The following EIF5B variants were observed in gnomAD, a reference collection of about 807,000 sequenced individuals.
EIF5B encodes eukaryotic translation initiation factor 5B.
EIF5B carries 47 observed loss-of-function variants against 147.5 expected under a neutral mutation model. The ratio of observed to expected loss-of-function variants is 0.32; its 90% CI spans 0.25 to 0.41. EIF5B has a LOEUF of 0.41. EIF5B is among the 10% of genes least tolerant of loss of function. The pLI is 1.00. For synonymous variants in EIF5B, 455 were observed against 456.2 expected, an observed-to-expected ratio of 1.00 and a Z score of 0.03; for missense variants, 1,064 against 1,413.2, an observed-to-expected ratio of 0.75 and a Z score of 3.96.
intron 6 of EIF5B, among the ~76,000 whole-genome samples, chr2:99,365,558 G>A (rs1286788054): frequency 1.3e-5 from 2 of 152,260 alleles, no homozygotes; most frequent in African/African-American, 4.8e-5. Context: ...GAGGCTAAAA[G>A]CACCCATGAA....
intron 4 of EIF5B, among the ~76,000 whole-genome samples, chr2:99,362,418 T>A (rs930296358): frequency 1.3e-5 from 2 of 152,116 alleles, no homozygotes; most frequent in African/African-American, 4.8e-5. Flanking sequence ...AAACAGTAGT[T>A]TTTGGGCTGG....
Position 99,361,454 on chromosome 2 carries a change from G to C in EIF5B, c.553G>C (p.Glu185Gln). 1 of 1,614,014 alleles carries C rather than the reference G, an allele frequency of 6.2e-7. No individual in the cohort carries two copies. The highest frequency in any genetic ancestry group is 1.1e-5 in the South Asian group (1 of 91,066). Residue 185 changes from glutamate (E) to glutamine (Q), a missense_variant, in exon 4 of 24, where the codon GAA becomes CAA. This residue lies in a region of EIF5B where 458 missense variants were observed against 451.3 expected (regional missense o/e 1.01). Coordinates refer to ENST00000289371, the MANE Select transcript of EIF5B (RefSeq NM_015904.4). ...KERSRINSSG[E>Q]SGDESDEFLQ... ...GCGTTCAAGAATAAATTCTTCTGGT[G>C]AAAGTGGTGATGAATCAGATGAATT...
chr2:99,365,786 A>T (rs909280060), intron 6 of EIF5B, among the ~76,000 whole-genome samples: 1 of 151,922 alleles, frequency 6.6e-6, no homozygotes, highest in Non-Finnish European at 1.5e-5. Flanking sequence ...CCATCTTATT[A>T]GTTCCCTATT....
intron 9 of EIF5B, among the ~76,000 whole-genome samples, chr2:99,374,904 C>T (rs1674531404): frequency 6.6e-6 from 1 of 151,902 alleles, no homozygotes. Flanking sequence ...GTATTTTCCA[C>T]CTAGTGAGTC....
intron 17 of EIF5B, among the ~76,000 whole-genome samples, chr2:99,391,646 G>A (rs1390665662): frequency 6.6e-6 from 1 of 151,274 alleles, no homozygotes; most frequent in African/African-American, 2.4e-5. Context: ...TTGTTTTTGT[G>A]TCTAAGAGTA....
At chr2:99,355,372 C>T (rs1674072828) in intron 1 of EIF5B, among the ~76,000 whole-genome samples, 1 of 152,058 alleles carries the variant, frequency 6.6e-6, no homozygotes, top group Non-Finnish European at 1.5e-5. Context: ...ACCTGTATAT[C>T]ATTTTAGGGC....
intron 9 of EIF5B, among the ~76,000 whole-genome samples, chr2:99,374,635 C>G (rs1405722010): frequency 6.6e-6 from 1 of 152,126 alleles, no homozygotes; most frequent in East Asian, 1.9e-4. Context: ...AGTTATTATT[C>G]CCTTGCCCTG....
intron 8 of EIF5B, among the ~76,000 whole-genome samples, chr2:99,370,409 A>G (rs1048773149): frequency 4.6e-5 from 7 of 152,216 alleles, no homozygotes; most frequent in African/African-American, 1.7e-4. Flanking sequence ...ACTAAGCCTG[A>G]TTTACATTGG....
chr2:99,344,637 A>G (rs1204280504), intron 1 of EIF5B, among the ~76,000 whole-genome samples: 1 of 152,088 alleles, frequency 6.6e-6, no homozygotes, highest in Admixed American at 6.5e-5. Flanking sequence ...GGGTCTCACC[A>G]TGTTGGCCAG....
chr2:99,390,131 C>A, intron 15 of EIF5B, 88 bp from the exon 16 acceptor site: 1 of 1,425,550 alleles, frequency 7.0e-7, no homozygotes, highest in Non-Finnish European at 9.7e-7. Context: ...AATGATGAGC[C>A]ATTTGCTCAT....
At chr2:99,386,906 AT>A (rs1184812833) in intron 14 of EIF5B, among the ~76,000 whole-genome samples, 1 of 151,474 alleles carries the variant, frequency 6.6e-6, no homozygotes, top group African/African-American at 2.4e-5. Flanking sequence ...AATCCAACTA[AT>A]TTTTATATTT....
At chr2:99,377,242 TATTA>T (rs1186655651) in intron 10 of EIF5B, among the ~76,000 whole-genome samples, 2 of 152,108 alleles carry the variant, frequency 1.3e-5, no homozygotes. Context: ...TTTTGTGTAT[TATTA>T]ATTTTTTAAT....
chr2:99,373,669 A>G (rs964876240), intron 9 of EIF5B, among the ~76,000 whole-genome samples: 1 of 152,172 alleles, frequency 6.6e-6, no homozygotes, highest in Admixed American at 6.5e-5. Context: ...TATTTTACCT[A>G]GAGTACTTAG....
At chr2:99,349,615 G>GCA (rs1673867873) in intron 1 of EIF5B, among the ~76,000 whole-genome samples, 1 of 152,044 alleles carries the variant, frequency 6.6e-6, no homozygotes. Context: ...GTACATGCCT[G>GCA]CACACACAAT....
intron 14 of EIF5B, 115 bp downstream of exon 14, chr2:99,383,036 T>G (rs1251206878): frequency 5.2e-6 from 6 of 1,147,356 alleles, no homozygotes; most frequent in Non-Finnish European, 7.0e-6. Context: ...TGCTTCACTA[T>G]ATTGTGCTTC....
At chr2:99,339,185 G>A (rs1042164059) in intron 1 of EIF5B, among the ~76,000 whole-genome samples, 7 of 151,376 alleles carry the variant, frequency 4.6e-5, no homozygotes, top group African/African-American at 1.7e-4. Flanking sequence ...GGCTAGTTGT[G>A]TATTTTTAGT....
intron 9 of EIF5B, among the ~76,000 whole-genome samples, chr2:99,372,359 A>G (rs1356224668): frequency 1.3e-5 from 2 of 151,880 alleles, no homozygotes; most frequent in African/African-American, 4.8e-5. Context: ...TTTTTTTGAG[A>G]TGGAGTTTCA....
At chr2:99,370,323 A>G (rs1674422323) in intron 8 of EIF5B, among the ~76,000 whole-genome samples, 1 of 152,180 alleles carries the variant, frequency 6.6e-6, no homozygotes, top group Non-Finnish European at 1.5e-5. Flanking sequence ...GGGGCTGCCT[A>G]AATGTATGTT....
At chr2:99,372,780 G>A (rs1674479153) in intron 9 of EIF5B, among the ~76,000 whole-genome samples, 1 of 152,200 alleles carries the variant, frequency 6.6e-6, no homozygotes, top group Admixed American at 6.5e-5. Context: ...TATTGTAAGT[G>A]TTTCATGTTT....
Sources: gnomAD v4.1 joint callset for allele counts (sites outside exome capture counted in the v4.1 genomes callset) on GRCh38, gnomAD v4.1.1 for gene constraint, gnomAD v4.1.1 regional missense constraint, MANE v1.5 for transcripts, NCBI Gene and HGNC (gene_info 2026-07-23, HGNC 2026-07-21) for gene names.